MMP26: variants seen among roughly 807,000 people sequenced by gnomAD.
MMP26 encodes matrix metallopeptidase 26, also known as matrix metalloproteinase-26.
Under a neutral mutation model 31.0 loss-of-function variants are expected in MMP26, and 33 were observed. The ratio of observed to expected loss-of-function variants is 1.06; its 90% CI spans 0.81 to 1.42. MMP26 has a LOEUF of 1.42. MMP26 is among the 40% of genes most tolerant of loss of function. MMP26 has a pLI of 0.00. For synonymous variants in MMP26, 122 were observed against 114.9 expected, an observed-to-expected ratio of 1.06 and a Z score of -0.40; for missense variants, 347 against 316.1, an observed-to-expected ratio of 1.10 and a Z score of -0.74.
rs188606952 is a variant in MMP26, at chr11:4,988,158, A to T, written c.-54A>T. 1.4e-4 allele frequency: 217 copies of T among 1,497,680 alleles called. No individual in the cohort carries two copies. The African/African-American group carries it at 2.8e-3, about 19-fold the overall frequency. 92.8% of individuals were successfully genotyped at this position (1,497,680 alleles called of 1,614,324 possible). A position where few individuals can be genotyped will look rare whatever the true frequency, so the allele number is the denominator to read the frequency against. Reference sequence around the variant, plus strand: ...GTTGCTGGCACAGCTATAAAGATCCAGTGGCCCAAGTTGTGTACCTGAATT... The same window carrying T: ...GTTGCTGGCACAGCTATAAAGATCCTGTGGCCCAAGTTGTGTACCTGAATT... On this transcript the variant is annotated 5_prime_UTR_variant, in exon 3 of 8. Transcript: ENST00000380390.
chr11:4,797,025 C>A (rs1382899242), intron 2 of MMP26, among the ~76,000 whole-genome samples: 1 of 151,992 alleles, frequency 6.6e-6, no homozygotes, highest in Non-Finnish European at 1.5e-5. Flanking sequence ...TATCTGAGAT[C>A]TCTTTAGAAC....
At chr11:4,915,740 C>G in intron 2 of MMP26, 1 of 938,896 alleles carries the variant, frequency 1.1e-6, no homozygotes, top group South Asian at 1.6e-5. Context: ...GTGATTGCAC[C>G]TGGTGGAAAT....
At chr11:4,808,258 C>T (rs1299923919) in intron 2 of MMP26, among the ~76,000 whole-genome samples, 1 of 152,014 alleles carries the variant, frequency 6.6e-6, no homozygotes, top group East Asian at 1.9e-4. Flanking sequence ...TTGGTGGTAC[C>T]CATGCTGCCT....
chr11:4,933,253 A>G (rs1259469167), intron 2 of MMP26, among the ~76,000 whole-genome samples: 1 of 152,024 alleles, frequency 6.6e-6, no homozygotes, highest in Non-Finnish European at 1.5e-5. Context: ...GTGTTCACTC[A>G]TTTATTTATT....
chr11:4,776,415 A>G (rs1243315609), intron 2 of MMP26, among the ~76,000 whole-genome samples: 3 of 152,154 alleles, frequency 2.0e-5, no homozygotes, highest in African/African-American at 4.8e-5. Flanking sequence ...CCAAGACTGT[A>G]TAAGCATTTT....
chr11:4,855,307 A>C (rs1222981968), intron 2 of MMP26, among the ~76,000 whole-genome samples: 1 of 152,186 alleles, frequency 6.6e-6, no homozygotes, highest in Non-Finnish European at 1.5e-5. Context: ...CATTGCAAAG[A>C]AGCTGAAAAC....
intron 2 of MMP26, among the ~76,000 whole-genome samples, chr11:4,813,951 T>C (rs920540357): frequency 2.6e-5 from 4 of 151,842 alleles, no homozygotes; most frequent in African/African-American, 9.7e-5. Context: ...AACCAACTCA[T>C]GAAAAATACA....
chr11:4,976,977 G>T (rs1400352447), intron 2 of MMP26, among the ~76,000 whole-genome samples: 2 of 152,034 alleles, frequency 1.3e-5, no homozygotes, highest in African/African-American at 4.8e-5. Context: ...CTTATAAAAT[G>T]AAAGTCGTTA....
At chr11:4,892,775 C>G (rs1357418155) in intron 2 of MMP26, among the ~76,000 whole-genome samples, 1 of 152,110 alleles carries the variant, frequency 6.6e-6, no homozygotes, top group Non-Finnish European at 1.5e-5. Flanking sequence ...TGATCTTTGT[C>G]ACTTCCCTAT....
intron 2 of MMP26, among the ~76,000 whole-genome samples, chr11:4,778,982 A>G (rs1848824005): frequency 6.6e-6 from 1 of 152,022 alleles, no homozygotes; most frequent in Non-Finnish European, 1.5e-5. Context: ...CATTCATGTC[A>G]ATTATTGTAT....
At chr11:4,977,316 A>T (rs1846751637) in intron 2 of MMP26, among the ~76,000 whole-genome samples, 1 of 152,148 alleles carries the variant, frequency 6.6e-6, no homozygotes, top group Non-Finnish European at 1.5e-5. Context: ...TTCAATTGTT[A>T]GAAAAGCTAT....
chr11:4,918,363 T>C (rs1439897373), intron 2 of MMP26, among the ~76,000 whole-genome samples: 1 of 152,182 alleles, frequency 6.6e-6, no homozygotes, highest in Non-Finnish European at 1.5e-5. Context: ...ACATCTTTTT[T>C]TCCTATAAAC....
chr11:4,974,099 A>T (rs971645938), intron 2 of MMP26, among the ~76,000 whole-genome samples: 6 of 152,070 alleles, frequency 3.9e-5, no homozygotes, highest in Non-Finnish European at 5.9e-5. Context: ...ATGCAAATTG[A>T]TATCAAAATC....
intron 3 of MMP26, among the ~76,000 whole-genome samples, chr11:4,988,742 A>T (rs1352992742): frequency 6.6e-6 from 1 of 152,218 alleles, no homozygotes; most frequent in Non-Finnish European, 1.5e-5. Flanking sequence ...TTTCTAAAAA[A>T]ATTATGAATT....
chr11:4,723,161 C>T (rs1234312055), intron 1 of MMP26: 1 of 1,598,632 alleles, frequency 6.3e-7, no homozygotes, highest in East Asian at 2.2e-5. Flanking sequence ...GGCCAGCTCC[C>T]CACGCTGCTC....
chr11:4,705,882 G>A (rs1847769187), intron 1 of MMP26, among the ~76,000 whole-genome samples: 2 of 151,644 alleles, frequency 1.3e-5, no homozygotes, highest in South Asian at 2.1e-4. Flanking sequence ...TAGCTACTCG[G>A]GAGGCTGAGG....
intron 2 of MMP26, among the ~76,000 whole-genome samples, chr11:4,936,832 C>G (rs928456049): frequency 6.6e-6 from 1 of 152,028 alleles, no homozygotes; most frequent in African/African-American, 2.4e-5. Context: ...ACTAGTATGA[C>G]TCCAGAATAA....
At position 4,725,511 on chromosome 11, in the gene MMP26, ATTTCT is replaced by A. The variant is rs1343528120; in HGVS notation, c.-217+20475_-217+20479del. On this transcript the variant is annotated intron_variant, in intron 1 of 7. Transcript: ENST00000380390. ...GTTGTCAGAGCCTTGTTTGTTGAGA[ATTTCT>A]TTTCTTTTTCTTTCTCTGATGTCAG... is the stretch of plus-strand genomic sequence containing the variant. Among the ~76,000 whole-genome samples the A allele has an allele frequency of 2.6e-5, 4 of 152,308 alleles. No individual in the cohort carries two copies. In the South Asian group the frequency reaches 6.2e-4, roughly 24 times the overall value.
intron 2 of MMP26, among the ~76,000 whole-genome samples, chr11:4,830,699 C>G (rs1170734527): frequency 6.6e-6 from 1 of 152,154 alleles, no homozygotes; most frequent in African/African-American, 2.4e-5. Flanking sequence ...GTTAGCCATA[C>G]CATTGGAGCT....
Sources: allele counts gnomAD v4.1 joint callset (sites outside exome capture counted in the v4.1 genomes callset), GRCh38; gene constraint gnomAD v4.1.1; transcripts MANE v1.5; gene names NCBI Gene and HGNC (gene_info 2026-07-23, HGNC 2026-07-21).